Variants in CFAP95 observed in about 807,000 individuals in gnomAD.
The protein encoded by CFAP95 is cilia- and flagella-associated protein 95.
the CFAP95 span, among the ~76,000 whole-genome samples, chr9:69,861,005 TGATAAAAAGC>T: frequency 1.3e-5 from 2 of 152,178 alleles, no homozygotes; most frequent in Non-Finnish European, 2.9e-5. Context: ...TCTAAAACTG[TGATAAAAAGC>T]GTAGTACAGT....
chr9:69,846,302 T>C, the CFAP95 span, among the ~76,000 whole-genome samples: 1 of 152,086 alleles, frequency 6.6e-6, no homozygotes, highest in Non-Finnish European at 1.5e-5. Flanking sequence ...TGCGTTACAG[T>C]GGTCAAGCCT....
chr9:69,895,463 C>G, the CFAP95 span, among the ~76,000 whole-genome samples: 15 of 151,742 alleles, frequency 9.9e-5, no homozygotes, highest in East Asian at 2.9e-3. Context: ...TCCAAGCTCT[C>G]TGGCTCTCAG....
At chr9:69,845,561 G>A in the CFAP95 span, among the ~76,000 whole-genome samples, 1 of 152,144 alleles carries the variant, frequency 6.6e-6, no homozygotes, top group South Asian at 2.1e-4. Context: ...ATTCTGCAAG[G>A]TAATGAGGAC....
chr9:69,883,848 ATTC>A, the CFAP95 span, among the ~76,000 whole-genome samples: 1 of 149,978 alleles, frequency 6.7e-6, no homozygotes, highest in Non-Finnish European at 1.5e-5. Flanking sequence ...AAAAAAAATC[ATTC>A]TTTTGTATTG....
chr9:69,827,379 A>G, the CFAP95 span, among the ~76,000 whole-genome samples: 2 of 152,248 alleles, frequency 1.3e-5, no homozygotes, highest in Non-Finnish European at 2.9e-5. Flanking sequence ...TCTAAAACCA[A>G]TCCTCAAACT....
At chr9:69,827,938 A>G in the CFAP95 span, among the ~76,000 whole-genome samples, 2 of 152,172 alleles carry the variant, frequency 1.3e-5, no homozygotes, top group Admixed American at 6.5e-5. Flanking sequence ...AGCAGATGCC[A>G]TGGTTTGCCC....
the CFAP95 span, chr9:69,902,290 TTCTC>T: frequency 4.4e-6 from 2 of 452,854 alleles, no homozygotes; most frequent in Non-Finnish European, 8.9e-6. Flanking sequence ...ATTTCAACTC[TTCTC>T]TAAGCCTTCA....
chr9:69,901,082 G>A, the CFAP95 span, among the ~76,000 whole-genome samples: 1 of 150,838 alleles, frequency 6.6e-6, no homozygotes, highest in Non-Finnish European at 1.5e-5. Context: ...TGTTCTTATT[G>A]TTCAATTCCC....
the CFAP95 span, among the ~76,000 whole-genome samples, chr9:69,859,781 A>G: frequency 6.6e-6 from 1 of 152,196 alleles, no homozygotes; most frequent in East Asian, 1.9e-4. Flanking sequence ...GGTCTAGCCT[A>G]CTACACACTG....
At chr9:69,853,335 A>G in the CFAP95 span, among the ~76,000 whole-genome samples, 1 of 152,246 alleles carries the variant, frequency 6.6e-6, no homozygotes, top group Non-Finnish European at 1.5e-5. Flanking sequence ...ATTCTAGAAG[A>G]ATAGAAATTG....
chr9:69,896,740 T>C, the CFAP95 span, among the ~76,000 whole-genome samples: 1 of 152,138 alleles, frequency 6.6e-6, no homozygotes, highest in South Asian at 2.1e-4. Flanking sequence ...AAATAAAACT[T>C]GGCCAGGTGC....
At chr9:69,892,426 A>G in the CFAP95 span, among the ~76,000 whole-genome samples, 1 of 152,214 alleles carries the variant, frequency 6.6e-6, no homozygotes, top group Non-Finnish European at 1.5e-5. Flanking sequence ...AGAGTTGGGC[A>G]TGCAGGAATT....
At chr9:69,838,161 A>G in the CFAP95 span, among the ~76,000 whole-genome samples, 1 of 152,198 alleles carries the variant, frequency 6.6e-6, no homozygotes, top group Non-Finnish European at 1.5e-5. Flanking sequence ...GAAGTCAGGT[A>G]GCGTGATGCC....
At chr9:69,868,693 A>G in the CFAP95 span, among the ~76,000 whole-genome samples, 1 of 151,776 alleles carries the variant, frequency 6.6e-6, no homozygotes, top group African/African-American at 2.4e-5. Context: ...AACAAAAACA[A>G]AAAGAAACAA....
At chr9:69,835,905 A>C in the CFAP95 span, among the ~76,000 whole-genome samples, 7 of 152,148 alleles carry the variant, frequency 4.6e-5, no homozygotes, top group African/African-American at 1.7e-4. Flanking sequence ...TGTAAGAAGA[A>C]TCCTACGACC....
At chr9:69,882,374 A>G in the CFAP95 span, among the ~76,000 whole-genome samples, 1 of 152,208 alleles carries the variant, frequency 6.6e-6, no homozygotes, top group Non-Finnish European at 1.5e-5. Context: ...TCTAAATATA[A>G]GATCATGTCA....
chr9:69,821,938 C>T, the CFAP95 span, among the ~76,000 whole-genome samples: 1 of 152,136 alleles, frequency 6.6e-6, no homozygotes, highest in South Asian at 2.1e-4. Context: ...GAACTTCCCT[C>T]GTGTAAGTTC....
the CFAP95 span, chr9:69,858,251 T>C: frequency 4.6e-6 from 2 of 434,158 alleles, no homozygotes; most frequent in African/African-American, 4.0e-5. Flanking sequence ...CACAAGTCAA[T>C]ACTCGTGGTT....
At chr9:69,892,859 A>G in the CFAP95 span, among the ~76,000 whole-genome samples, 1 of 152,038 alleles carries the variant, frequency 6.6e-6, no homozygotes, top group Non-Finnish European at 1.5e-5. Flanking sequence ...GGGGAAGATT[A>G]TTTTCCCAAT....
Sources: allele counts gnomAD v4.1 joint callset (sites outside exome capture counted in the v4.1 genomes callset), GRCh38; gene constraint gnomAD v4.1.1; transcripts MANE v1.5; gene names NCBI Gene and HGNC (gene_info 2026-07-23, HGNC 2026-07-21).